PHF20: variants seen among roughly 807,000 people sequenced by gnomAD.
The protein encoded by PHF20 is glioma-expressed antigen 2.
A neutral mutation model predicts 113.5 loss-of-function variants in PHF20; 23 were observed. The ratio of observed to expected loss-of-function variants is 0.20; its 90% CI spans 0.15 to 0.29. The LOEUF is 0.29. Ranked by LOEUF, PHF20 falls within the 10% of genes least tolerant of loss-of-function variation. The pLI, the probability that PHF20 is intolerant of heterozygous loss-of-function variation, is 1.00. For synonymous variants in PHF20, 434 were observed against 457.3 expected (o/e 0.95, Z 0.65); for missense variants, 943 against 1,219.6 (o/e 0.77, Z 3.38).
intron 1 of PHF20, among the ~76,000 whole-genome samples, chr20:35,775,810 T>A (rs940586830): frequency 6.7e-6 from 1 of 148,916 alleles, no homozygotes; most frequent in Admixed American, 6.7e-5. Flanking sequence ...TTTCTGTGTG[T>A]ATATATATAT....
At chr20:35,792,553 T>G (rs1278535193) in intron 1 of PHF20, among the ~76,000 whole-genome samples, 1 of 152,010 alleles carries the variant, frequency 6.6e-6, no homozygotes, top group Non-Finnish European at 1.5e-5. Flanking sequence ...TCCTTACCTC[T>G]TCTGCCTTTC....
At chr20:35,834,245 T>C (rs2042401122) in intron 2 of PHF20, among the ~76,000 whole-genome samples, 1 of 143,288 alleles carries the variant, frequency 7.0e-6, no homozygotes. Flanking sequence ...TCTACAGCTA[T>C]GGTTTTTTTT....
chr20:35,791,280 C>T (rs1190486735), intron 1 of PHF20, among the ~76,000 whole-genome samples: 1 of 152,024 alleles, frequency 6.6e-6, no homozygotes, highest in Non-Finnish European at 1.5e-5. Context: ...GGTTCAATTC[C>T]TTGTCCCAAT....
At chr20:35,886,323 A>T (rs939857559) in intron 9 of PHF20, among the ~76,000 whole-genome samples, 3 of 151,656 alleles carry the variant, frequency 2.0e-5, no homozygotes, top group Admixed American at 2.0e-4. Context: ...TAGCTTTAGT[A>T]GAGACTGGTC....
chr20:35,794,827 G>A (rs1265660998), intron 1 of PHF20, among the ~76,000 whole-genome samples: 1 of 152,112 alleles, frequency 6.6e-6, no homozygotes, highest in African/African-American at 2.4e-5. Flanking sequence ...TTACCATAGC[G>A]ACAGTACTCT....
At chr20:35,825,248 C>T (rs1263673625) in intron 2 of PHF20, among the ~76,000 whole-genome samples, 1 of 152,172 alleles carries the variant, frequency 6.6e-6, no homozygotes. Flanking sequence ...ACTCAAACTC[C>T]TGGGCTCAAG....
chr20:35,857,638 T>G lies in PHF20; in HGVS notation c.341-664T>G, dbSNP rs367846732. ...CTCTGTTGCCTAGCCTGGAGTGGAG[T>G]GCGATGGCAGGATCTTGGCTCACTG... On this transcript the variant is annotated intron_variant, in intron 4 of 17. Coordinates refer to ENST00000374012, the MANE Select transcript of PHF20 (RefSeq NM_016436.5). 7.4e-5 allele frequency among the ~76,000 whole-genome samples: 10 copies of G among 134,686 alleles called. No homozygotes were observed. The East Asian group carries it at 1.1e-3, about 15-fold the overall frequency. The allele number at this position is 134,686 out of a possible 152,430, so 88.4% of individuals were successfully genotyped here.
At chr20:35,800,255 T>C (rs1404317448) in intron 1 of PHF20, 1 of 151,966 alleles carries the variant, frequency 6.6e-6, no homozygotes, top group African/African-American at 2.4e-5. Context: ...ATGATCAGAA[T>C]GGACTCAAGA....
At chr20:35,800,771 A>G (rs1023455223) in intron 1 of PHF20, among the ~76,000 whole-genome samples, 2 of 152,212 alleles carry the variant, frequency 1.3e-5, no homozygotes, top group African/African-American at 2.4e-5. Flanking sequence ...CTCTGTCTCA[A>G]AAAATAAATA....
chr20:35,850,757 C>A, intron 4 of PHF20: 1 of 622,504 alleles, frequency 1.6e-6, no homozygotes, highest in Non-Finnish European at 2.9e-6. Context: ...TTATATATGT[C>A]CACATAGCAA....
chr20:35,888,617 A>G (rs575957507), intron 9 of PHF20, among the ~76,000 whole-genome samples: 3 of 152,252 alleles, frequency 2.0e-5, no homozygotes, highest in African/African-American at 7.2e-5. Context: ...CAACTTTAAG[A>G]TTTAATTTAC....
chr20:35,887,271 C>T (rs1224961527), intron 9 of PHF20, among the ~76,000 whole-genome samples: 1 of 152,056 alleles, frequency 6.6e-6, no homozygotes, highest in Non-Finnish European at 1.5e-5. Context: ...ACAGTATTAC[C>T]ACAAATACAG....
intron 9 of PHF20, chr20:35,887,823 A>AG (rs2147029472): frequency 6.6e-6 from 1 of 151,842 alleles, no homozygotes; most frequent in African/African-American, 2.4e-5. Context: ...AAAAAAAAAA[A>AG]AAAAGAAGAA....
At chr20:35,860,896 G>C (rs181185770) in intron 5 of PHF20, among the ~76,000 whole-genome samples, 2 of 152,160 alleles carry the variant, frequency 1.3e-5, no homozygotes, top group African/African-American at 4.8e-5. Flanking sequence ...GCGATACTCA[G>C]TAAATTGATG....
chr20:35,883,284 C>G lies in PHF20; in HGVS notation c.1282+11455C>G, dbSNP rs553325600. Among the ~76,000 whole-genome samples, 3 of 152,202 alleles carry G rather than the reference C, an allele frequency of 2.0e-5. No homozygotes were observed. In the South Asian group the frequency reaches 6.2e-4, roughly 32 times the overall value. On this transcript the variant is annotated intron_variant, in intron 9 of 17. Coordinates refer to ENST00000374012, the MANE Select transcript of PHF20 (RefSeq NM_016436.5). The stretch of plus-strand genomic sequence containing the variant: ...GTATGGATGTTCCATAATTTATTTA[C>G]CTAGCCCCTGCTGAAAGATATTTAA...
chr20:35,803,813 T>C (rs1600753510), intron 2 of PHF20, among the ~76,000 whole-genome samples: 1 of 151,694 alleles, frequency 6.6e-6, no homozygotes, highest in East Asian at 1.9e-4. Context: ...TTGTTTTTTA[T>C]ATTCAATATG....
intron 1 of PHF20, among the ~76,000 whole-genome samples, chr20:35,788,987 G>A (rs111837831): frequency 3.5e-4 from 54 of 152,304 alleles, no homozygotes; most frequent in Admixed American, 1.1e-3. Context: ...GCTTAGATAG[G>A]CAGTTTCAGC....
Position 35,793,301 on chromosome 20 carries a change from C to CTT in PHF20, c.-32-8176_-32-8175dup, listed in dbSNP as rs755495559. 9.0e-3 allele frequency among the ~76,000 whole-genome samples: 1,256 copies of CTT among 139,914 alleles called. 12 individuals are homozygous for CTT. Among genetic ancestry groups the CTT allele is most frequent in the East Asian group, 0.038 (181 of 4,824 alleles). 91.8% of individuals were successfully genotyped at this position (139,914 alleles called of 152,430 possible). A position where few individuals can be genotyped will look rare whatever the true frequency, so the allele number is the denominator to read the frequency against. On this transcript the variant is annotated intron_variant, in intron 1 of 17. Coordinates refer to ENST00000374012, the MANE Select transcript of PHF20 (RefSeq NM_016436.5). ...GTTCCTCAGAGAGTCCTTTCTTTTT[C>CTT]TTTTTTTTTTTTTTTGAGACAAGAG...
In PHF20 at chr20:35,948,518, TAA is replaced by T. The variant is rs1381756817; in HGVS notation, c.*893_*894del. 4 of 152,706 alleles carry T rather than the reference TAA, an allele frequency of 2.6e-5. No individual in the cohort carries two copies. Among genetic ancestry groups the T allele is most frequent in the Admixed American group, 2.6e-4 (4 of 15,288 alleles). The allele number at this position is 152,706 out of a possible 1,614,324, so 9.5% of individuals were successfully genotyped here. Reference sequence around the variant, plus strand: ...GGAATTACCTTATTTTATATTGTTGTAAACAAACTTCAAATTCTACATGTGCG... The same window carrying T: ...GGAATTACCTTATTTTATATTGTTGTACAAACTTCAAATTCTACATGTGCG... On this transcript the variant is annotated 3_prime_UTR_variant, in exon 18 of 18. Coordinates refer to ENST00000374012, the MANE Select transcript of PHF20 (RefSeq NM_016436.5).
Sources: gnomAD v4.1 joint callset for allele counts (sites outside exome capture counted in the v4.1 genomes callset) on GRCh38, gnomAD v4.1.1 for gene constraint, MANE v1.5 for transcripts, NCBI Gene and HGNC (gene_info 2026-07-23, HGNC 2026-07-21) for gene names.